TUSC3: variants seen among roughly 807,000 people sequenced by gnomAD.
TUSC3 encodes the protein tumor suppressor candidate 3.
A neutral mutation model predicts 44.8 loss-of-function variants in TUSC3; 45 were observed. That is an observed-to-expected ratio of 1.00 (90% confidence interval 0.79 to 1.29). The LOEUF is 1.29. Among genes scored for constraint, TUSC3 ranks in the 50% most tolerant of loss-of-function variants. The pLI is 0.00. For synonymous variants in TUSC3, 212 were observed against 152.9 expected (o/e 1.39, Z -2.85); for missense variants, 519 against 437.9 (o/e 1.19, Z -1.65).
At position 15,716,642 on chromosome 8, in the gene TUSC3, T is replaced by C. The variant is rs550254316; in HGVS notation, c.799-14024T>C. Among the ~76,000 whole-genome samples, 44 of 152,256 alleles carry C rather than the reference T, an allele frequency of 2.9e-4. 3 individuals carry two copies. The South Asian group carries it at 8.1e-3, about 28-fold the overall frequency. The stretch of plus-strand genomic sequence containing the variant: ...GAGAAATATTTTAATTATATGCTAA[T>C]AATATGTACTAACTACGAAATATCA... On this transcript the variant is annotated intron_variant, in intron 6 of 10. Transcript: ENST00000503731.
chr8:15,547,651 G>A (rs1378859158), intron 1 of TUSC3, among the ~76,000 whole-genome samples: 1 of 99,396 alleles, frequency 1.0e-5, no homozygotes, highest in African/African-American at 3.5e-5. Flanking sequence ...CTAACTTTGA[G>A]TGAGAAAGTA....
chr8:15,776,747 A>G, the TUSC3 span, among the ~76,000 whole-genome samples: 10 of 152,122 alleles, frequency 6.6e-5, no homozygotes, highest in East Asian at 1.9e-4. Context: ...GCTATATTCT[A>G]CCATCACAAA....
chr8:15,804,716 T>C, the TUSC3 span, among the ~76,000 whole-genome samples: 2 of 152,236 alleles, frequency 1.3e-5, no homozygotes, highest in Admixed American at 6.5e-5. Context: ...GTGGTTTTGA[T>C]TATTATCACC....
intron 6 of TUSC3, among the ~76,000 whole-genome samples, chr8:15,691,453 A>G (rs1455204444): frequency 6.6e-6 from 1 of 152,210 alleles, no homozygotes; most frequent in Non-Finnish European, 1.5e-5. Context: ...ATTGTCTGCA[A>G]ACATAGATAG....
At chr8:15,673,714 T>A in intron 5 of TUSC3, 33 bp from the exon 6 acceptor site, 1 of 1,507,726 alleles carries the variant, frequency 6.6e-7, no homozygotes, top group South Asian at 1.1e-5. Flanking sequence ...ATTCTCTGGT[T>A]TACATATTGA....
At chr8:15,616,434 C>T (rs1804990205) in intron 1 of TUSC3, among the ~76,000 whole-genome samples, 1 of 152,058 alleles carries the variant, frequency 6.6e-6, no homozygotes, top group Non-Finnish European at 1.5e-5. Flanking sequence ...AAAAATTAGC[C>T]CGTCGTGGTG....
At chr8:15,752,931 G>T (rs535936388) in intron 9 of TUSC3, among the ~76,000 whole-genome samples, 1 of 151,812 alleles carries the variant, frequency 6.6e-6, no homozygotes, top group South Asian at 2.1e-4. Flanking sequence ...TTTTACTCAA[G>T]GAAAAACTTC....
intron 1 of TUSC3, among the ~76,000 whole-genome samples, chr8:15,577,380 C>A (rs1433877037): frequency 6.6e-6 from 1 of 151,686 alleles, no homozygotes; most frequent in Non-Finnish European, 1.5e-5. Flanking sequence ...GACATGAAGT[C>A]CTTGCCCATG....
intron 3 of TUSC3, among the ~76,000 whole-genome samples, chr8:15,654,706 A>T (rs1807077272): frequency 6.6e-6 from 1 of 152,192 alleles, no homozygotes; most frequent in Non-Finnish European, 1.5e-5. Flanking sequence ...CTGAGGCAGG[A>T]GAATTGCTTG....
rs535381354 is a variant in TUSC3, at chr8:15,534,907, G to A, written n.189+51424G>A. Among the ~76,000 whole-genome samples, 71 of 152,296 alleles carry A rather than the reference G, an allele frequency of 4.7e-4. 2 individuals are homozygous for A. The South Asian group carries it at 0.015, about 32-fold the overall frequency. On this transcript the variant is annotated intron_variant and non_coding_transcript_variant, in intron 2 of 5. Coordinates refer to the TUSC3 transcript ENST00000503191. ...TTGAACATTCAGCAGTCTGTGAGTG[G>A]TTGAAGTATGGCCGCTGGGATTGGC...
intron 2 of TUSC3, among the ~76,000 whole-genome samples, chr8:15,522,160 A>G (rs1362114307): frequency 1.3e-5 from 2 of 152,254 alleles, no homozygotes; most frequent in East Asian, 3.9e-4. Context: ...TACCAGGTCC[A>G]GGTAGCTTTA....
rs115383918 is a variant in TUSC3 at position 15,485,144 on chromosome 8, A to G, written n.189+1661A>G. Among the ~76,000 whole-genome samples the G allele has an allele frequency of 3.4e-3, 513 of 152,248 alleles. 2 individuals carry two copies. The highest frequency in any genetic ancestry group is 0.012 in the African/African-American group (498 of 41,548). On this transcript the variant is annotated intron_variant and non_coding_transcript_variant, in intron 2 of 5. Transcript: ENST00000503191. ...CCAGCATTGATTCCTCTAGGACACC[A>G]TTATCTTTTTTGTCATAGCCATATT... is the stretch of plus-strand genomic sequence containing the variant.
intron 1 of TUSC3, among the ~76,000 whole-genome samples, chr8:15,562,145 C>A (rs931819710): frequency 2.0e-5 from 3 of 152,188 alleles, no homozygotes; most frequent in African/African-American, 4.8e-5. Flanking sequence ...AAGAACTTCC[C>A]GGCATTTTCT....
At chr8:15,561,732 A>T (rs1563290407) in intron 1 of TUSC3, 1 of 147,324 alleles carries the variant, frequency 6.8e-6, no homozygotes, top group Non-Finnish European at 1.5e-5. Context: ...GCCCGTCGGA[A>T]AAGCGCAGTA....
At chr8:15,534,118 TC>T (rs1399102356) in intron 2 of TUSC3, among the ~76,000 whole-genome samples, 1 of 152,190 alleles carries the variant, frequency 6.6e-6, no homozygotes, top group Non-Finnish European at 1.5e-5. Context: ...GTTTGACTTT[TC>T]CCTTTGGTTT....
At chr8:15,565,166 C>CTTT (rs374023591) in intron 1 of TUSC3, among the ~76,000 whole-genome samples, 6 of 141,642 alleles carry the variant, frequency 4.2e-5, no homozygotes, top group Middle Eastern at 3.7e-3. Context: ...TGAGGGGAGC[C>CTTT]TTTTTTTTTT....
chr8:15,777,260 T>C, the TUSC3 span, among the ~76,000 whole-genome samples: 4 of 152,248 alleles, frequency 2.6e-5, no homozygotes, highest in Admixed American at 2.0e-4. Context: ...ATCTTGTAAC[T>C]TCCCCCCCAC....
chr8:15,703,702 G>A (rs186844793), intron 6 of TUSC3, among the ~76,000 whole-genome samples: 14 of 152,162 alleles, frequency 9.2e-5, no homozygotes, highest in African/African-American at 2.9e-4. Context: ...GAGGAGTGAC[G>A]TACCAGATTC....
At chr8:15,701,798 G>C (rs1444435863) in intron 6 of TUSC3, among the ~76,000 whole-genome samples, 1 of 152,140 alleles carries the variant, frequency 6.6e-6, no homozygotes, top group African/African-American at 2.4e-5. Flanking sequence ...AGGTTTGTTG[G>C]ACACTGAGGC....
Sources: allele counts gnomAD v4.1 joint callset (sites outside exome capture counted in the v4.1 genomes callset), GRCh38; gene constraint gnomAD v4.1.1; transcripts MANE v1.5; gene names NCBI Gene and HGNC (gene_info 2026-07-23, HGNC 2026-07-21).